Variants in ZNF735 observed in about 807,000 individuals in gnomAD.
ZNF735 encodes the protein zinc finger protein 735.
In ZNF735, 11 loss-of-function variants were observed where a neutral mutation model predicts 13.4. The ratio of observed to expected loss-of-function variants is 0.82; its 90% CI spans 0.52 to 1.36. The LOEUF is 1.36. ZNF735 is among the 40% of genes most tolerant of loss of function. The probability of loss-of-function intolerance (pLI) is 0.00; values close to 1 mark genes in which losing one functional copy is unlikely to be tolerated. For synonymous variants in ZNF735, 171 were observed against 162.6 expected (o/e 1.05, Z -0.39); for missense variants, 500 against 484.6 (o/e 1.03, Z -0.30).
chr7:64,213,062 G>A lies in ZNF735; in HGVS notation c.40-30G>A. The A allele has an allele frequency of 1.9e-6, 3 of 1,588,322 alleles. No individual in the cohort carries two copies. In the South Asian group the frequency reaches 3.4e-5, roughly 18 times the overall value. On this transcript the variant is annotated intron_variant, in intron 1 of 3. Transcript: ENST00000429565. ...GCTTACGGCCATATGGTAAGTGTGT[G>A]TTCATGAGGTTTTTCTTTTTTTTTT...
chr7:64,218,436 A>T (rs1787447291), intron 3 of ZNF735, among the ~76,000 whole-genome samples: 1 of 150,396 alleles, frequency 6.6e-6, no homozygotes, highest in African/African-American at 2.4e-5. Flanking sequence ...TAACTTCTTC[A>T]TTTGTTACAT....
intron 3 of ZNF735, among the ~76,000 whole-genome samples, chr7:64,214,948 T>G (rs11772892): frequency 0.72 from 108,652 of 151,836 alleles, 39,457 homozygotes; most frequent in East Asian, 0.9. Flanking sequence ...TTTGTATTGT[T>G]ATTTTATTTT....
chr7:64,214,417 T>A (rs1370926896), intron 3 of ZNF735, among the ~76,000 whole-genome samples: 1 of 152,090 alleles, frequency 6.6e-6, no homozygotes, highest in Non-Finnish European at 1.5e-5. Context: ...TTGCCATTGC[T>A]TTTGGGGACA....
chr7:64,214,747 T>G (rs536293631), intron 3 of ZNF735, among the ~76,000 whole-genome samples: 191 of 152,178 alleles, frequency 1.3e-3, no homozygotes, highest in Middle Eastern at 3.4e-3. Flanking sequence ...GATTCATAAA[T>G]GGTATTGCTG....
chr7:64,215,065 C>CT (rs200637720), intron 3 of ZNF735, among the ~76,000 whole-genome samples: 11,020 of 140,792 alleles, frequency 0.078, 671 homozygotes, highest in African/African-American at 0.17. Flanking sequence ...TTTCTTTTTT[C>CT]TTTTTTTTTT....
chr7:64,208,252 T>TTTTG (rs1787315202), intron 1 of ZNF735, among the ~76,000 whole-genome samples: 1 of 57,520 alleles, frequency 1.7e-5, no homozygotes, highest in African/African-American at 7.0e-5. Context: ...ATGTTTTTTT[T>TTTTG]TTTTTTTTTT....
exon 4 of ZNF735, chr7:64,219,840 C>T (rs1236165676): frequency 6.2e-7 from 1 of 1,612,814 alleles, no homozygotes; most frequent in Non-Finnish European, 8.5e-7. Context: ...AGAGAATTCA[C>T]ACTGGAGAGA....
intron 3 of ZNF735, among the ~76,000 whole-genome samples, chr7:64,215,904 G>A (rs1787414155): frequency 6.6e-6 from 1 of 152,104 alleles, no homozygotes; most frequent in Non-Finnish European, 1.5e-5. Context: ...ATACCACATA[G>A]TTATTGTTAT....
intron 2 of ZNF735, among the ~76,000 whole-genome samples, 197 bp from the exon 3 acceptor site, chr7:64,213,816 G>A (rs1787388300): frequency 6.6e-6 from 1 of 151,924 alleles, no homozygotes; most frequent in Admixed American, 6.6e-5. Context: ...AAAATTAGCT[G>A]GGCGTGGTGG....
At chr7:64,214,746 A>G (rs578094421) in intron 3 of ZNF735, among the ~76,000 whole-genome samples, 30 of 152,078 alleles carry the variant, frequency 2.0e-4, no homozygotes, top group African/African-American at 7.2e-4. Context: ...AGATTCATAA[A>G]TGGTATTGCT....
intron 3 of ZNF735, among the ~76,000 whole-genome samples, chr7:64,217,493 A>C (rs1372508137): frequency 2.6e-5 from 4 of 151,854 alleles, no homozygotes; most frequent in Non-Finnish European, 5.9e-5. Context: ...TTTTTTATTT[A>C]AATTTTTTAT....
At chr7:64,210,666 A>G (rs746174451) in intron 1 of ZNF735, among the ~76,000 whole-genome samples, 2 of 152,190 alleles carry the variant, frequency 1.3e-5, no homozygotes, top group Admixed American at 6.5e-5. Flanking sequence ...CCATTACTGT[A>G]AAGAAGATTG....
intron 3 of ZNF735, among the ~76,000 whole-genome samples, chr7:64,217,084 G>A (rs1192247559): frequency 6.6e-6 from 1 of 152,148 alleles, no homozygotes; most frequent in Non-Finnish European, 1.5e-5. Context: ...AATCTCCACT[G>A]TTGGATGTGG....
Position 64,208,244 on chromosome 7 carries a change from GTTTTTTTTTTTT to G in ZNF735, c.39+1022_39+1033del, listed in dbSNP as rs71060562. On this transcript the variant is annotated intron_variant, in intron 1 of 3. Transcript: ENST00000429565. The stretch of plus-strand genomic sequence containing the variant: ...TTCAAGATAGTAATCTCCAATAAAT[GTTTTTTTTTTTT>G]TTTTTTTTTTTTTTTTTTGGAGAGG... Among the ~76,000 whole-genome samples, 208 of 93,074 alleles carry G rather than the reference GTTTTTTTTTTTT, an allele frequency of 2.2e-3. 3 individuals are homozygous for G. The highest frequency in any genetic ancestry group is 8.5e-3 in the Middle Eastern group (1 of 118). The allele number at this position is 93,074 out of a possible 152,430, so 61.1% of individuals were successfully genotyped here.
intron 3 of ZNF735, among the ~76,000 whole-genome samples, chr7:64,216,607 A>AT (rs34572712): frequency 0.07 from 10,190 of 145,452 alleles, 531 homozygotes; most frequent in African/African-American, 0.14. Context: ...CTCTTCTTAA[A>AT]TTTTTTTTTT....
intron 3 of ZNF735, among the ~76,000 whole-genome samples, chr7:64,218,333 C>T (rs977065274): frequency 6.6e-6 from 1 of 151,828 alleles, no homozygotes; most frequent in Non-Finnish European, 1.5e-5. Flanking sequence ...TTTTATCTTG[C>T]AGCTCCAAAC....
chr7:64,217,895 T>C (rs1787441434), intron 3 of ZNF735, among the ~76,000 whole-genome samples: 1 of 152,124 alleles, frequency 6.6e-6, no homozygotes, highest in Admixed American at 6.6e-5. Flanking sequence ...GCTAATTGTA[T>C]CTTTTTATGT....
chr7:64,216,043 C>CAAG lies in ZNF735; in HGVS notation c.262+1935_262+1936insAAG, dbSNP rs1296826344. On this transcript the variant is annotated intron_variant, in intron 3 of 3. Transcript: ENST00000429565. ...AAGCGTGGTGGCTCACACCTGTAAT[C>CAAG]CCAGCACTTTGGGAGGCTGAGGCGG... Among the ~76,000 whole-genome samples, 3 of 152,094 alleles carry CAAG rather than the reference C, an allele frequency of 2.0e-5. No homozygotes were observed. The East Asian group carries it at 5.8e-4, about 29-fold the overall frequency.
exon 4 of ZNF735, chr7:64,219,353 A>G: frequency 6.2e-7 from 1 of 1,613,806 alleles, no homozygotes; most frequent in Non-Finnish European, 8.5e-7. Context: ...CAGCCAGAGC[A>G]GAGCATAAAA....
Sources: gnomAD v4.1 joint callset for allele counts (sites outside exome capture counted in the v4.1 genomes callset) on GRCh38, gnomAD v4.1.1 for gene constraint, MANE v1.5 for transcripts, NCBI Gene and HGNC (gene_info 2026-07-23, HGNC 2026-07-21) for gene names.